Variants in DNM2 observed in about 807,000 individuals in gnomAD.
DNM2 encodes dynamin-2.
A neutral mutation model predicts 99.0 loss-of-function variants in DNM2; 15 were observed. That is an observed-to-expected ratio of 0.15 (90% CI 0.10 to 0.23). DNM2 has a LOEUF of 0.23. Among genes scored for constraint, DNM2 ranks in the 10% least tolerant of loss-of-function variants. The probability of loss-of-function intolerance (pLI) is 1.00; values close to 1 mark genes in which losing one functional copy is unlikely to be tolerated. For missense variants in DNM2, 742 were observed against 1,189.4 expected (o/e 0.62, Z 5.53); for synonymous variants, 525 against 481.2 (o/e 1.09, Z -1.19).
At chr19:10,741,346 C>G (rs968161220) in intron 1 of DNM2, among the ~76,000 whole-genome samples, 11 of 152,014 alleles carry the variant, frequency 7.2e-5, no homozygotes, top group Non-Finnish European at 1.0e-4. Flanking sequence ...ATCCTCCCAC[C>G]TCTGCCTCCC....
At chr19:10,791,653 C>G (rs1388682977) in intron 7 of DNM2, among the ~76,000 whole-genome samples, 1 of 152,188 alleles carries the variant, frequency 6.6e-6, no homozygotes, top group African/African-American at 2.4e-5. Context: ...TGCTTTGTCC[C>G]CTGTGGCTGA....
chr19:10,793,514 G>C (rs2146012658), intron 7 of DNM2, among the ~76,000 whole-genome samples: 1 of 152,328 alleles, frequency 6.6e-6, no homozygotes, highest in South Asian at 2.1e-4. Context: ...TGAATAATCG[G>C]AACAGGCTTA....
intron 8 of DNM2, among the ~76,000 whole-genome samples, chr19:10,794,593 T>TA (rs879938389): frequency 1.3e-5 from 2 of 151,658 alleles, no homozygotes; most frequent in Non-Finnish European, 2.9e-5. Flanking sequence ...AATACAAAAA[T>TA]TATCCAGGTG....
chr19:10,773,448 A>C (rs1164623425), intron 3 of DNM2, among the ~76,000 whole-genome samples: 1 of 73,740 alleles, frequency 1.4e-5, no homozygotes, highest in African/African-American at 5.0e-5. Context: ...CGCCCGGCCA[A>C]ATTTTTTTTT....
intron 13 of DNM2, among the ~76,000 whole-genome samples, chr19:10,807,286 G>A (rs1568311549): frequency 6.6e-6 from 1 of 151,814 alleles, no homozygotes; most frequent in East Asian, 1.9e-4. Context: ...CTGTGTCCCA[G>A]CTGGAGTGCA....
chr19:10,785,061 G>T (rs1158476252), intron 6 of DNM2, among the ~76,000 whole-genome samples: 4 of 151,578 alleles, frequency 2.6e-5, no homozygotes. Context: ...CAGGTGATCT[G>T]CCCGCCTTAG....
chr19:10,831,414 A>C lies in DNM2; in HGVS notation c.*367A>C. ...AGCCCATGTAGGGCAGGCCTTCTAT[A>C]AGTGCGGGCACCAAGGGCGCCTACA... On this transcript the variant is annotated 3_prime_UTR_variant, in exon 21 of 21. Coordinates refer to ENST00000389253, the MANE Select transcript of DNM2 (RefSeq NM_001005361.3). This position sits in a 1 kb window ranked among gnomAD's most constrained non-coding sequence, Gnocchi z 4.3. 1 of 1,032,250 alleles carries C rather than the reference A, an allele frequency of 9.7e-7. No individual in the cohort carries two copies. Among genetic ancestry groups the C allele is most frequent in the Non-Finnish European group, 1.2e-6 (1 of 860,644 alleles). 63.9% of individuals were successfully genotyped at this position (1,032,250 alleles called of 1,614,324 possible).
rs1766681769 is a variant in DNM2 at position 10,772,174 on chromosome 19, G to T, written c.236-305G>T. On this transcript the variant is annotated intron_variant, in intron 2 of 20. Transcript: ENST00000389253. The surrounding 1 kb of genome is among the most constrained non-coding windows in gnomAD (Gnocchi z 4.9). Reference sequence around the variant, plus strand: ...GGCTCACTACAACCTCCGCCTCCCGGGTTCAAGCAATTATCCTGCCTCAGC... The same window carrying T: ...GGCTCACTACAACCTCCGCCTCCCGTGTTCAAGCAATTATCCTGCCTCAGC... 6.6e-6 allele frequency among the ~76,000 whole-genome samples: 1 copy of T among 151,776 alleles called. No homozygotes were observed. The highest frequency in any genetic ancestry group is 2.1e-4 in the South Asian group (1 of 4,808).
intron 1 of DNM2, among the ~76,000 whole-genome samples, chr19:10,728,608 C>T (rs2069188823): frequency 6.6e-6 from 1 of 152,048 alleles, no homozygotes; most frequent in African/African-American, 2.4e-5. Flanking sequence ...TGCTGGGCAC[C>T]CAGCAGGGAC....
chr19:10,794,570 C>T (rs1422422756), intron 8 of DNM2, among the ~76,000 whole-genome samples: 1 of 151,858 alleles, frequency 6.6e-6, no homozygotes, highest in Admixed American at 6.6e-5. Context: ...GGTGAAACCC[C>T]ATCTCTACTA....
chr19:10,798,501 C>G lies in DNM2; in HGVS notation c.1351C>G (p.Arg451Gly). The G allele has an allele frequency of 6.2e-7, 1 of 1,614,188 alleles. No homozygotes were observed. The highest frequency in any genetic ancestry group is 8.5e-7 in the Non-Finnish European group (1 of 1,180,032). Reference protein sequence around the residue: ...KCAEKLSSYPRLREETERIVT... With the variant: ...KCAEKLSSYPGLREETERIVT... ...GTTCCCCCAGCTCAGTTCCTACCCC[C>G]GGTTGCGAGAGGAGACAGAGCGAAT... Residue 451 changes from arginine to glycine, a missense_variant, in exon 11 of 21, where the codon CGG becomes GGG. Physicochemically the swap from Arg to Gly is moderately radical, Grantham distance 125. Transcript: ENST00000389253.
Position 10,812,371 on chromosome 19 carries a change from T to C in DNM2, c.1665T>C (p.Asp555=), listed in dbSNP as rs1555713814. ...CCGAGTCACTGTCCTGGTACAAGGA[T>C]GAGGAGGTGAGTGGCAGGCGGGAGC... The part of the protein sequence containing the change: ...LTAESLSWYK[D]EEEKEKKYML... Residue 555 remains aspartate (D), a synonymous_variant, in exon 15 of 21, where the codon GAT becomes GAC. Transcript: ENST00000389253. The surrounding 1 kb of genome is among the most constrained non-coding windows in gnomAD (Gnocchi z 4.0). The C allele has an allele frequency of 1.9e-6, 3 of 1,605,754 alleles. No homozygotes were observed. In the African/African-American group the frequency reaches 4.0e-5, roughly 21 times the overall value.
At position 10,772,432 on chromosome 19, in the gene DNM2, C is replaced by T. The variant is rs1282099507; in HGVS notation, c.236-47C>T. ...TTTCTCCCCGCAGTCCATGCGCACC[C>T]TGCCCACAGCTCTTTCTCATTTTCA... On this transcript the variant is annotated intron_variant, in intron 2 of 20. Coordinates refer to ENST00000389253, the MANE Select transcript of DNM2 (RefSeq NM_001005361.3). The surrounding 1 kb of genome is among the most constrained non-coding windows in gnomAD (Gnocchi z 4.9). 6.2e-7 allele frequency: 1 copy of T among 1,611,460 alleles called. No homozygotes were observed. Among genetic ancestry groups the T allele is most frequent in the Non-Finnish European group, 8.5e-7 (1 of 1,179,612 alleles).
intron 15 of DNM2, among the ~76,000 whole-genome samples, chr19:10,815,176 C>T (rs1401795462): frequency 6.6e-6 from 1 of 152,214 alleles, no homozygotes; most frequent in East Asian, 1.9e-4. Flanking sequence ...CTCCTGTTGC[C>T]ACCTTAACAC....
rs1366284845 is a variant in DNM2 at position 10,777,761 on chromosome 19, G to A, written c.688+545G>A. 1.3e-3 allele frequency among the ~76,000 whole-genome samples: 198 copies of A among 151,780 alleles called. 2 individuals are homozygous for A. The highest frequency in any genetic ancestry group is 2.4e-4 in the Non-Finnish European group (16 of 67,914). On this transcript the variant is annotated intron_variant, in intron 5 of 20. Transcript: ENST00000389253. The stretch of plus-strand genomic sequence containing the variant: ...AAGTGGGCACCACCACGCCCAGCTA[G>A]TTTTTGTATTTTTACTAGAGACGGG...
chr19:10,765,175 G>A lies in DNM2; in HGVS notation c.235+5364G>A, dbSNP rs893876039. 6.6e-6 allele frequency among the ~76,000 whole-genome samples: 1 copy of A among 151,936 alleles called. No individual in the cohort carries two copies. The highest frequency in any genetic ancestry group is 1.5e-5 in the Non-Finnish European group (1 of 67,978). On this transcript the variant is annotated intron_variant, in intron 2 of 20. Transcript: ENST00000389253. This position sits in a 1 kb window ranked among gnomAD's most constrained non-coding sequence, Gnocchi z 4.4. ...GGGTTTCACCGTGTTAGCCAGGATG[G>A]TCTCGATCTCCTGACCTCGTGATCC...
chr19:10,765,331 G>T lies in DNM2; in HGVS notation c.235+5520G>T, dbSNP rs989429746. On this transcript the variant is annotated intron_variant, in intron 2 of 20. Transcript: ENST00000389253. The surrounding 1 kb of genome is among the most constrained non-coding windows in gnomAD (Gnocchi z 4.4). ...TGCAGATCGGCTCTGCCCAGCACAG[G>T]GCCTGGCGCCGAGCAGGTGCTCCGC... Among the ~76,000 whole-genome samples the T allele has an allele frequency of 1.3e-5, 2 of 152,250 alleles. No individual in the cohort carries two copies. The highest frequency in any genetic ancestry group is 4.8e-5 in the African/African-American group (2 of 41,464).
intron 7 of DNM2, among the ~76,000 whole-genome samples, chr19:10,788,232 CA>C (rs55881063): frequency 0.034 from 1,956 of 57,010 alleles, 14 homozygotes; most frequent in Non-Finnish European, 0.048. Context: ...GACTCCGTCT[CA>C]AAAAAAAAAA....
In DNM2 at chr19:10,812,519, T is replaced by G. The variant is rs1240451805; in HGVS notation, c.1671+142T>G. The G allele has an allele frequency of 4.7e-6, 3 of 640,132 alleles. No homozygotes were observed. Among genetic ancestry groups the G allele is most frequent in the Non-Finnish European group, 8.0e-6 (3 of 373,844 alleles). 39.7% of individuals were successfully genotyped at this position (640,132 alleles called of 1,614,324 possible). On this transcript the variant is annotated intron_variant, in intron 15 of 20. Transcript: ENST00000389253. This position sits in a 1 kb window ranked among gnomAD's most constrained non-coding sequence, Gnocchi z 4.0. ...TAGGACTGTAACTCGCCGGGCACGGTGGCTCCCGCCTGTAATCCCAGCACT... is the reference window on the plus strand; with the variant it reads ...TAGGACTGTAACTCGCCGGGCACGGGGGCTCCCGCCTGTAATCCCAGCACT...
Sources: allele counts gnomAD v4.1 joint callset (sites outside exome capture counted in the v4.1 genomes callset), GRCh38; gene constraint gnomAD v4.1.1; non-coding constraint Gnocchi (gnomAD v3.1); transcripts MANE v1.5; gene names NCBI Gene and HGNC (gene_info 2026-07-23, HGNC 2026-07-21).